The following DNAJC8 variants were observed in gnomAD, a reference collection of about 807,000 sequenced individuals.
DNAJC8 encodes the protein dnaJ homolog subfamily C member 8.
In DNAJC8, 24 loss-of-function variants were observed where a neutral mutation model predicts 43.2. The ratio of observed to expected loss-of-function variants is 0.56; its 90% confidence interval spans 0.40 to 0.78. The LOEUF (loss-of-function observed/expected upper bound fraction) is 0.78. Among genes scored for constraint, DNAJC8 ranks in the 30% least tolerant of loss-of-function variants. The pLI is 0.00. For missense variants in DNAJC8, 207 were observed against 299.4 expected (o/e 0.69, Z 2.28); for synonymous variants, 83 against 98.0 (o/e 0.85, Z 0.90).
chr1:28,215,928 T>C (rs1033706372), intron 2 of DNAJC8, among the ~76,000 whole-genome samples: 1 of 152,020 alleles, frequency 6.6e-6, no homozygotes, highest in Non-Finnish European at 1.5e-5. Context: ...GGCATAATCA[T>C]AGGTCACTGC....
chr1:28,231,621 G>A (rs1255176728), intron 1 of DNAJC8, among the ~76,000 whole-genome samples: 3 of 151,708 alleles, frequency 2.0e-5, no homozygotes, highest in Non-Finnish European at 4.4e-5. Flanking sequence ...AGGCTGAGGC[G>A]AGAGAATCAC....
At chr1:28,224,382 C>T (rs1312187905) in intron 2 of DNAJC8, among the ~76,000 whole-genome samples, 1 of 152,144 alleles carries the variant, frequency 6.6e-6, no homozygotes, top group East Asian at 1.9e-4. Flanking sequence ...ATTCTCCTGC[C>T]TCAGCCTCCC....
Position 28,220,563 on chromosome 1 carries a change from G to A in DNAJC8, c.181-5567C>T, listed in dbSNP as rs190425156. ...GGGGCTAAACTCACATATGTAACAA[G>A]TCTATTCTTGAGATAACTAATCCAC... On this transcript the variant is annotated intron_variant, in intron 2 of 8. Transcript: ENST00000263697. 2.6e-5 allele frequency among the ~76,000 whole-genome samples: 4 copies of A among 152,284 alleles called. No homozygotes were observed. The East Asian group carries it at 7.7e-4, about 29-fold the overall frequency.
chr1:28,209,189 G>T (rs1379967800), intron 5 of DNAJC8, among the ~76,000 whole-genome samples: 2 of 152,122 alleles, frequency 1.3e-5, no homozygotes, highest in South Asian at 4.1e-4. Context: ...TCCAACACAT[G>T]ACCCGCAGGA....
At chr1:28,216,953 C>T (rs576669092) in intron 2 of DNAJC8, among the ~76,000 whole-genome samples, 73 of 151,644 alleles carry the variant, frequency 4.8e-4, no homozygotes, top group African/African-American at 1.3e-3. Context: ...GGATTACAGG[C>T]ATGCGCCACC....
intron 1 of DNAJC8, among the ~76,000 whole-genome samples, chr1:28,231,711 C>T (rs1190125133): frequency 7.0e-6 from 1 of 143,288 alleles, no homozygotes; most frequent in African/African-American, 3.0e-5. Flanking sequence ...AGCAAAACTC[C>T]GCCTTAGGAA....
At chr1:28,202,098 A>G (rs1646738022) in intron 8 of DNAJC8, among the ~76,000 whole-genome samples, 1 of 152,084 alleles carries the variant, frequency 6.6e-6, no homozygotes, top group Non-Finnish European at 1.5e-5. Context: ...CTCAAAAAAA[A>G]AGTAGAATAG....
intron 2 of DNAJC8, among the ~76,000 whole-genome samples, chr1:28,228,649 T>C (rs367610368): frequency 1.3e-5 from 2 of 152,168 alleles, no homozygotes; most frequent in African/African-American, 4.8e-5. Context: ...CATTCTGAAT[T>C]TTCTAATTTG....
At chr1:28,208,074 T>C (rs1489924909) in intron 6 of DNAJC8, among the ~76,000 whole-genome samples, 1 of 151,982 alleles carries the variant, frequency 6.6e-6, no homozygotes, top group African/African-American at 2.4e-5. Flanking sequence ...GGCATGGTGG[T>C]ACATGCTGGT....
chr1:28,201,543 C>T (rs1181135012), intron 8 of DNAJC8, among the ~76,000 whole-genome samples, 173 bp from the exon 9 acceptor site: 5 of 152,162 alleles, frequency 3.3e-5, no homozygotes, highest in Non-Finnish European at 5.9e-5. Context: ...AATCCCAGCA[C>T]TTCGGGAGGC....
At chr1:28,212,197 AT>A (rs1646817866) in intron 3 of DNAJC8, among the ~76,000 whole-genome samples, 1 of 121,000 alleles carries the variant, frequency 8.3e-6, no homozygotes, top group Admixed American at 8.7e-5. Context: ...ATATATATAT[AT>A]ATATATATAT....
intron 3 of DNAJC8, among the ~76,000 whole-genome samples, chr1:28,212,214 T>TATATATAA (rs1553167928): frequency 2.6e-5 from 3 of 113,540 alleles, no homozygotes; most frequent in South Asian, 2.8e-4. Flanking sequence ...TATATATATA[T>TATATATAA]AAATGAAATT....
At chr1:28,232,820 T>G in intron 1 of DNAJC8, 101 bp downstream of exon 1, 1 of 1,277,750 alleles carries the variant, frequency 7.8e-7, no homozygotes, top group Non-Finnish European at 1.1e-6. Flanking sequence ...ACTGAAGGAA[T>G]CGCCCAACGG....
intron 8 of DNAJC8, among the ~76,000 whole-genome samples, 189 bp from the exon 9 acceptor site, chr1:28,201,559 C>T (rs531284956): frequency 2.6e-5 from 4 of 152,088 alleles, no homozygotes; most frequent in Admixed American, 6.5e-5. Flanking sequence ...GAGGCCGAGG[C>T]GGGCAGATCA....
intron 1 of DNAJC8, 105 bp downstream of exon 1, chr1:28,232,816 G>C (rs1219705926): frequency 8.1e-6 from 10 of 1,238,428 alleles, no homozygotes; most frequent in African/African-American, 1.5e-5. Flanking sequence ...CTGGACTGAA[G>C]GAATCGCCCA....
intron 8 of DNAJC8, among the ~76,000 whole-genome samples, 179 bp downstream of exon 8, chr1:28,203,568 C>T (rs1054827922): frequency 6.6e-6 from 1 of 152,116 alleles, no homozygotes; most frequent in Non-Finnish European, 1.5e-5. Context: ...CCTCATCGTC[C>T]TTGCCAAGGC....
rs1250139682 is a variant in DNAJC8, at chr1:28,208,369, T to C, written c.444A>G (p.Thr148=). Residue 148 remains threonine (T), a synonymous_variant, in exon 6 of 9, where the codon ACA becomes ACG. Transcript: ENST00000263697. The part of the protein sequence containing the change: ...KKQLKKEGKP[T]IVEEDDPELF... Reference sequence around the variant, plus strand: ...GCTCAGGATCATCCTCCTCTACAATTGTAGGTTTTCCTTCCTTCTTTAATT... The same window carrying C: ...GCTCAGGATCATCCTCCTCTACAATCGTAGGTTTTCCTTCCTTCTTTAATT... 6.2e-7 allele frequency: 1 copy of C among 1,613,658 alleles called. No homozygotes were observed. Among genetic ancestry groups the C allele is most frequent in the Non-Finnish European group, 8.5e-7 (1 of 1,179,766 alleles).
intron 2 of DNAJC8, among the ~76,000 whole-genome samples, chr1:28,217,772 T>G (rs1376458262): frequency 6.6e-6 from 1 of 152,062 alleles, no homozygotes; most frequent in Non-Finnish European, 1.5e-5. Flanking sequence ...GATGAGGTTA[T>G]AGCTTACAAC....
At chr1:28,209,552 A>G (rs547731297) in intron 5 of DNAJC8, among the ~76,000 whole-genome samples, 1 of 152,304 alleles carries the variant, frequency 6.6e-6, no homozygotes, top group Admixed American at 6.5e-5. Context: ...CTATTTTAAA[A>G]AAAGTTTACG....
Sources: gnomAD v4.1 joint callset for allele counts (sites outside exome capture counted in the v4.1 genomes callset) on GRCh38, gnomAD v4.1.1 for gene constraint, MANE v1.5 for transcripts, NCBI Gene and HGNC (gene_info 2026-07-23, HGNC 2026-07-21) for gene names.